The following DTNBP1 variants were observed in gnomAD, a reference collection of about 807,000 sequenced individuals.
DTNBP1 encodes the protein dysbindin.
Under a neutral mutation model 42.8 loss-of-function variants are expected in DTNBP1, and 35 were observed. The observed-to-expected ratio is 0.82, with a 90% CI of 0.63 to 1.09. The LOEUF is 1.09. Ranked by LOEUF, DTNBP1 falls within the 50% of genes least tolerant of loss-of-function variation. The pLI is 0.00. For missense variants in DTNBP1, 457 were observed against 424.2 expected, an observed-to-expected ratio of 1.08 and a Z score of -0.68; for synonymous variants, 171 against 162.2, an observed-to-expected ratio of 1.05 and a Z score of -0.41.
At chr6:15,549,686 T>C (rs1416881253) in intron 7 of DTNBP1, among the ~76,000 whole-genome samples, 1 of 151,906 alleles carries the variant, frequency 6.6e-6, no homozygotes, top group Non-Finnish European at 1.5e-5. Flanking sequence ...CCTCACTAGG[T>C]TGCATTATCT....
chr6:15,642,676 C>T (rs773950922), intron 3 of DTNBP1, among the ~76,000 whole-genome samples: 8 of 152,166 alleles, frequency 5.3e-5, no homozygotes, highest in Non-Finnish European at 7.3e-5. Context: ...CAGTAAGCAG[C>T]ATCTGAGAAA....
intron 7 of DTNBP1, among the ~76,000 whole-genome samples, chr6:15,584,705 CTTTT>C (rs147548247): frequency 2.3e-5 from 2 of 86,430 alleles, no homozygotes; most frequent in African/African-American, 4.0e-5. Flanking sequence ...ACATGTATTT[CTTTT>C]TTTTTTTTTT....
chr6:15,542,575 T>A (rs889497213), intron 7 of DTNBP1, among the ~76,000 whole-genome samples: 7 of 152,116 alleles, frequency 4.6e-5, no homozygotes, highest in African/African-American at 1.4e-4. Context: ...TTTCACATTG[T>A]TTGACAGGAT....
intron 5 of DTNBP1, among the ~76,000 whole-genome samples, chr6:15,620,703 A>G (rs1758994850): frequency 6.6e-6 from 1 of 152,242 alleles, no homozygotes; most frequent in Non-Finnish European, 1.5e-5. Flanking sequence ...TAAATTTAAT[A>G]TAGACTCCAT....
chr6:15,656,823 C>A (rs1262289994), intron 1 of DTNBP1, among the ~76,000 whole-genome samples: 4 of 152,112 alleles, frequency 2.6e-5, no homozygotes, highest in Admixed American at 2.6e-4. Flanking sequence ...CTGAGATCTG[C>A]CGGTGATTCA....
chr6:15,595,975 A>G (rs1776500342), intron 6 of DTNBP1, among the ~76,000 whole-genome samples: 2 of 152,236 alleles, frequency 1.3e-5, no homozygotes, highest in Non-Finnish European at 2.9e-5. Flanking sequence ...AGAACGTTCT[A>G]GCTGTGATGG....
At chr6:15,560,858 T>C (rs1291516863) in intron 7 of DTNBP1, among the ~76,000 whole-genome samples, 1 of 152,202 alleles carries the variant, frequency 6.6e-6, no homozygotes, top group Non-Finnish European at 1.5e-5. Context: ...AGAAGTCTAC[T>C]CTAAGATTCC....
chr6:15,585,063 GAATATATATATA>G (rs1164444228), intron 7 of DTNBP1, among the ~76,000 whole-genome samples: 4 of 62,382 alleles, frequency 6.4e-5, no homozygotes, highest in African/African-American at 2.9e-4. Flanking sequence ...ATTATGAAAA[GAATATATATATA>G]TATATATATA....
chr6:15,534,946 C>T (rs1002304935), intron 7 of DTNBP1, among the ~76,000 whole-genome samples: 1 of 152,172 alleles, frequency 6.6e-6, no homozygotes, highest in Non-Finnish European at 1.5e-5. Flanking sequence ...TTCACCTGGT[C>T]ATTCAAGCAA....
rs1041460507 is a variant in DTNBP1, at chr6:15,523,239, A to G, written c.812-20T>C. The G allele has an allele frequency of 6.2e-6, 10 of 1,613,650 alleles. No individual in the cohort carries two copies. The African/African-American group carries it at 1.3e-4, about 22-fold the overall frequency. On this transcript the variant is annotated intron_variant, in intron 9 of 9. Coordinates refer to ENST00000344537, the MANE Select transcript of DTNBP1 (RefSeq NM_032122.5). ...CAGGCCCTGCAAAATAACGTAGGGAAGAAAAAGCCCTGTCATAAAAATATT... is the reference window on the plus strand; with the variant it reads ...CAGGCCCTGCAAAATAACGTAGGGAGGAAAAAGCCCTGTCATAAAAATATT...
intron 5 of DTNBP1, among the ~76,000 whole-genome samples, chr6:15,626,157 T>C (rs937074390): frequency 6.6e-6 from 1 of 152,162 alleles, no homozygotes; most frequent in South Asian, 2.1e-4. Flanking sequence ...GAATCCTAGA[T>C]GCATTTATAA....
intron 4 of DTNBP1, among the ~76,000 whole-genome samples, chr6:15,637,373 A>G (rs1179967785): frequency 6.6e-6 from 1 of 152,218 alleles, no homozygotes; most frequent in African/African-American, 2.4e-5. Flanking sequence ...TTTTGACCAA[A>G]TAATAAGGAA....
chr6:15,574,857 A>G (rs1267390469), intron 7 of DTNBP1, among the ~76,000 whole-genome samples: 1 of 152,226 alleles, frequency 6.6e-6, no homozygotes, highest in Non-Finnish European at 1.5e-5. Flanking sequence ...ATATTCTTCA[A>G]TCCAACCCTA....
chr6:15,548,302 C>G (rs1393198524), intron 7 of DTNBP1: 2 of 152,206 alleles, frequency 1.3e-5, no homozygotes, highest in Non-Finnish European at 2.9e-5. Flanking sequence ...AATAATCACA[C>G]ATTTAAAAAG....
At chr6:15,576,677 G>A (rs1297521859) in intron 7 of DTNBP1, among the ~76,000 whole-genome samples, 2 of 150,456 alleles carry the variant, frequency 1.3e-5, no homozygotes, top group Non-Finnish European at 2.9e-5. Context: ...GCTGAGGCAC[G>A]AGAATAGCCT....
chr6:15,573,941 G>A (rs970751737), intron 7 of DTNBP1, among the ~76,000 whole-genome samples: 4 of 152,106 alleles, frequency 2.6e-5, no homozygotes, highest in African/African-American at 7.2e-5. Context: ...TCCTGACCTC[G>A]TGATCCACCC....
intron 6 of DTNBP1, chr6:15,595,167 T>C (rs1409717518): frequency 2.2e-6 from 1 of 455,488 alleles, no homozygotes; most frequent in South Asian, 1.5e-5. Flanking sequence ...ATCATTCCTG[T>C]ACCCAATTCC....
In DTNBP1 at chr6:15,651,911, C is replaced by T. The variant is rs79969754; in HGVS notation, c.110+176G>A. On this transcript the variant is annotated intron_variant, in intron 2 of 9. Coordinates refer to ENST00000344537, the MANE Select transcript of DTNBP1 (RefSeq NM_032122.5). Reference sequence around the variant, plus strand: ...CTTCACCATTTTTTCAACCATTTCACGATTTTATTAGAAAATTTTCCTGTT... The same window carrying T: ...CTTCACCATTTTTTCAACCATTTCATGATTTTATTAGAAAATTTTCCTGTT... Among the ~76,000 whole-genome samples, 82 of 152,180 alleles carry T rather than the reference C, an allele frequency of 5.4e-4. 1 individual carries two copies. The East Asian group carries it at 9.8e-3, about 18-fold the overall frequency.
intron 7 of DTNBP1, among the ~76,000 whole-genome samples, chr6:15,544,208 A>G (rs531241698): frequency 6.6e-6 from 1 of 152,274 alleles, no homozygotes; most frequent in South Asian, 2.1e-4. Flanking sequence ...TTCACTCAGC[A>G]TAATTGCCTT....
Sources: allele counts gnomAD v4.1 joint callset (sites outside exome capture counted in the v4.1 genomes callset), GRCh38; gene constraint gnomAD v4.1.1; transcripts MANE v1.5; gene names NCBI Gene and HGNC (gene_info 2026-07-23, HGNC 2026-07-21).